Variants in TBC1D22B observed in about 807,000 individuals in gnomAD.
TBC1D22B encodes the protein TBC1 domain family member 22B, also known as chromosome 6 open reading frame 197.
Under a neutral mutation model 69.1 loss-of-function variants are expected in TBC1D22B, and 32 were observed. The ratio of observed to expected loss-of-function variants is 0.46; its 90% CI spans 0.35 to 0.62. The LOEUF is 0.62. Ranked by LOEUF, TBC1D22B falls within the 20% of genes least tolerant of loss-of-function variation. The pLI is 0.00. For missense variants in TBC1D22B, 462 were observed against 630.9 expected, an observed-to-expected ratio of 0.73 and a Z score of 2.87; for synonymous variants, 206 against 229.8, an observed-to-expected ratio of 0.90 and a Z score of 0.94.
chr6:37,293,299 G>A lies in TBC1D22B; in HGVS notation c.982+1942G>A, dbSNP rs960407250. On this transcript the variant is annotated intron_variant, in intron 8 of 12. Coordinates refer to ENST00000373491, the MANE Select transcript of TBC1D22B (RefSeq NM_017772.4). ...TCACCATGTTAGCCAGGATGGTCTC[G>A]ATCTCCTGACCTCGTGATCCGCCCA... Among the ~76,000 whole-genome samples, 3 of 151,816 alleles carry A rather than the reference G, an allele frequency of 2.0e-5. No homozygotes were observed. In the East Asian group the frequency reaches 5.8e-4, roughly 29 times the overall value.
Position 37,305,815 on chromosome 6 carries a change from C to T in TBC1D22B, c.983-7103C>T, listed in dbSNP as rs141722876. Reference sequence around the variant, plus strand: ...GATTACAGGCGTCAGCCACCGCGCCCGGTCAGTTTTGCCTATTTCTAAGCT... The same window carrying T: ...GATTACAGGCGTCAGCCACCGCGCCTGGTCAGTTTTGCCTATTTCTAAGCT... On this transcript the variant is annotated intron_variant, in intron 8 of 12. Transcript: ENST00000373491. Among the ~76,000 whole-genome samples the T allele has an allele frequency of 2.8e-3, 420 of 152,288 alleles. 2 individuals carry two copies. The highest frequency in any genetic ancestry group is 9.1e-3 in the African/African-American group (380 of 41,542).
chr6:37,326,124 G>C (rs1768396166), intron 12 of TBC1D22B, among the ~76,000 whole-genome samples: 1 of 152,166 alleles, frequency 6.6e-6, no homozygotes, highest in South Asian at 2.1e-4. Flanking sequence ...GCTCACGCCT[G>C]TAATCCCAAC....
At chr6:37,291,135 T>A in intron 7 of TBC1D22B, 108 bp from the exon 8 acceptor site, 1 of 806,730 alleles carries the variant, frequency 1.2e-6, no homozygotes, top group South Asian at 1.5e-5. Flanking sequence ...AAAATTTTCC[T>A]AAAAATTCTA....
intron 1 of TBC1D22B, among the ~76,000 whole-genome samples, chr6:37,268,187 GT>G (rs1455300120): frequency 6.6e-6 from 1 of 152,012 alleles, no homozygotes; most frequent in Non-Finnish European, 1.5e-5. Context: ...TTAAACAATA[GT>G]TTGGCTTGAT....
chr6:37,309,466 A>G (rs1767837970), intron 8 of TBC1D22B, among the ~76,000 whole-genome samples: 1 of 152,250 alleles, frequency 6.6e-6, no homozygotes. Context: ...TCAATTTATT[A>G]TGGAGCTCTG....
intron 1 of TBC1D22B, among the ~76,000 whole-genome samples, chr6:37,262,296 G>C (rs1326824177): frequency 2.0e-5 from 3 of 151,976 alleles, no homozygotes; most frequent in African/African-American, 7.3e-5. Context: ...GCCCACCTCA[G>C]CCTCCCAAAG....
At chr6:37,321,747 G>A (rs960376141) in intron 12 of TBC1D22B, among the ~76,000 whole-genome samples, 1 of 152,212 alleles carries the variant, frequency 6.6e-6, no homozygotes, top group Admixed American at 6.5e-5. Context: ...GGGCCTGTCT[G>A]TGGAGTCCTA....
chr6:37,324,418 C>G (rs1768336477), intron 12 of TBC1D22B: 1 of 455,076 alleles, frequency 2.2e-6, no homozygotes, highest in African/African-American at 2.0e-5. Context: ...GTTCAAATCT[C>G]TCAGCTGTAA....
intron 12 of TBC1D22B, among the ~76,000 whole-genome samples, chr6:37,317,699 G>A (rs1404306708): frequency 6.6e-6 from 1 of 152,178 alleles, no homozygotes; most frequent in Non-Finnish European, 1.5e-5. Flanking sequence ...TTATTAGGTG[G>A]TAGAGAAGGG....
chr6:37,312,629 C>T (rs767292942), intron 8 of TBC1D22B, among the ~76,000 whole-genome samples: 3 of 152,198 alleles, frequency 2.0e-5, no homozygotes, highest in Non-Finnish European at 4.4e-5. Flanking sequence ...TTTTCTAAAA[C>T]TGAACGAACA....
In TBC1D22B at chr6:37,320,480, A is replaced by T. The variant is rs1029397781; in HGVS notation, c.1389+3274A>T. On this transcript the variant is annotated intron_variant, in intron 12 of 12. Coordinates refer to ENST00000373491, the MANE Select transcript of TBC1D22B (RefSeq NM_017772.4). ...AAACAGTGAGCTTATTATCATTAATATTAATACTTCCTTTAGTGTATTCAC... is the reference window on the plus strand; with the variant it reads ...AAACAGTGAGCTTATTATCATTAATTTTAATACTTCCTTTAGTGTATTCAC... Among the ~76,000 whole-genome samples, 6 of 152,214 alleles carry T rather than the reference A, an allele frequency of 3.9e-5. No homozygotes were observed. In the South Asian group the frequency reaches 6.2e-4, roughly 16 times the overall value.
intron 2 of TBC1D22B, among the ~76,000 whole-genome samples, chr6:37,278,435 C>T (rs1367634625): frequency 6.6e-6 from 1 of 152,146 alleles, no homozygotes; most frequent in Non-Finnish European, 1.5e-5. Flanking sequence ...ATGTGCTGCT[C>T]TAAGTGATAG....
intron 8 of TBC1D22B, among the ~76,000 whole-genome samples, chr6:37,307,343 T>C (rs1446731683): frequency 6.6e-6 from 1 of 151,222 alleles, no homozygotes; most frequent in Non-Finnish European, 1.5e-5. Context: ...GAGAAATTTT[T>C]TTTTCTTTTT....
At chr6:37,326,743 A>G (rs410183) in intron 12 of TBC1D22B, among the ~76,000 whole-genome samples, 136,917 of 151,914 alleles carry the variant, frequency 0.9, 61,758 homozygotes, top group Middle Eastern at 0.94. Flanking sequence ...AGCCAAGATC[A>G]TGCCACTGCA....
intron 8 of TBC1D22B, among the ~76,000 whole-genome samples, chr6:37,294,587 G>A (rs1042724547): frequency 2.6e-5 from 4 of 152,152 alleles, no homozygotes; most frequent in Admixed American, 6.5e-5. Flanking sequence ...GTTGAAGCCC[G>A]TGCTCATTTA....
At chr6:37,317,299 A>T in intron 12 of TBC1D22B, 93 bp downstream of exon 12, 1 of 1,278,552 alleles carries the variant, frequency 7.8e-7, no homozygotes, top group Non-Finnish European at 1.1e-6. Context: ...GTGCCATAGC[A>T]GGTACCTGGC....
At chr6:37,290,480 G>T (rs909506735) in intron 7 of TBC1D22B, among the ~76,000 whole-genome samples, 1 of 152,138 alleles carries the variant, frequency 6.6e-6, no homozygotes, top group Non-Finnish European at 1.5e-5. Context: ...GTGGGACAGG[G>T]CATGATTATG....
chr6:37,303,301 A>T (rs563904420), intron 8 of TBC1D22B, among the ~76,000 whole-genome samples: 4 of 152,012 alleles, frequency 2.6e-5, no homozygotes, highest in Non-Finnish European at 5.9e-5. Flanking sequence ...TTACCCAGGC[A>T]CCCTTTTCTC....
chr6:37,273,740 A>G (rs1766576358), intron 2 of TBC1D22B, among the ~76,000 whole-genome samples: 1 of 152,196 alleles, frequency 6.6e-6, no homozygotes, highest in African/African-American at 2.4e-5. Context: ...ATTTTACAAC[A>G]TGGGGTCGCG....
Sources: gnomAD v4.1 joint callset for allele counts (sites outside exome capture counted in the v4.1 genomes callset) on GRCh38, gnomAD v4.1.1 for gene constraint, MANE v1.5 for transcripts, NCBI Gene and HGNC (gene_info 2026-07-23, HGNC 2026-07-21) for gene names.